Variants in CADM2 observed in about 807,000 individuals in gnomAD.
CADM2 encodes the protein immunoglobulin superfamily member 4D.
CADM2 carries 12 observed loss-of-function variants against 49.8 expected under a neutral mutation model. The observed-to-expected ratio is 0.24, with a 90% CI of 0.15 to 0.39. The LOEUF is 0.39. CADM2 is among the 10% of genes least tolerant of loss of function. The pLI, the probability that CADM2 is intolerant of heterozygous loss-of-function variation, is 1.00. For synonymous variants in CADM2, 214 were observed against 175.4 expected, an observed-to-expected ratio of 1.22 and a Z score of -1.74; for missense variants, 378 against 492.3, an observed-to-expected ratio of 0.77 and a Z score of 2.20.
At chr3:85,603,114 G>A (rs1396744128) in intron 1 of CADM2, among the ~76,000 whole-genome samples, 1 of 151,770 alleles carries the variant, frequency 6.6e-6, no homozygotes, top group African/African-American at 2.4e-5. Flanking sequence ...GTCAAGAACA[G>A]CATTTTATTC....
chr3:85,946,557 T>C (rs985847323), intron 7 of CADM2, among the ~76,000 whole-genome samples: 3 of 151,948 alleles, frequency 2.0e-5, no homozygotes, highest in Admixed American at 2.0e-4. Flanking sequence ...AACAGCATGG[T>C]ACTGGTACCA....
chr3:85,596,908 G>GGTTT (rs2063259798), intron 1 of CADM2, among the ~76,000 whole-genome samples: 1 of 151,992 alleles, frequency 6.6e-6, no homozygotes, highest in Non-Finnish European at 1.5e-5. Context: ...GTAGAGACAG[G>GGTTT]CTTTCGCCAT....
chr3:85,124,355 G>T (rs1156584512), intron 1 of CADM2, among the ~76,000 whole-genome samples: 1 of 152,134 alleles, frequency 6.6e-6, no homozygotes, highest in Non-Finnish European at 1.5e-5. Context: ...TATAATCTCA[G>T]CATTCTGGGA....
intron 5 of CADM2, among the ~76,000 whole-genome samples, chr3:85,900,642 A>C (rs1715993307): frequency 6.6e-6 from 1 of 152,182 alleles, no homozygotes; most frequent in African/African-American, 2.4e-5. Context: ...TATTTAATTT[A>C]AGGGTTAAAG....
intron 2 of CADM2, among the ~76,000 whole-genome samples, chr3:85,732,441 G>A (rs1045804796): frequency 6.6e-6 from 1 of 152,050 alleles, no homozygotes; most frequent in African/African-American, 2.4e-5. Flanking sequence ...AAAGCATATT[G>A]TATTTCTGTA....
At chr3:86,028,756 TA>T (rs1049231424) in intron 8 of CADM2, among the ~76,000 whole-genome samples, 4 of 152,154 alleles carry the variant, frequency 2.6e-5, no homozygotes, top group African/African-American at 9.6e-5. Context: ...TTTTATTTTC[TA>T]GATGAGTGAG....
chr3:85,516,855 A>C (rs748257613), intron 1 of CADM2, among the ~76,000 whole-genome samples: 5 of 152,128 alleles, frequency 3.3e-5, no homozygotes, highest in Non-Finnish European at 7.4e-5. Flanking sequence ...GAATAAATGC[A>C]AAGGTACATT....
At chr3:85,676,199 T>C (rs1395634334) in intron 1 of CADM2, among the ~76,000 whole-genome samples, 2 of 152,218 alleles carry the variant, frequency 1.3e-5, no homozygotes, top group Non-Finnish European at 2.9e-5. Flanking sequence ...GCCTTCGTCC[T>C]TTATAATAAA....
chr3:85,336,915 A>ATAGTTAAAT (rs1369441255), intron 1 of CADM2, among the ~76,000 whole-genome samples: 10 of 141,832 alleles, frequency 7.1e-5, no homozygotes, highest in Non-Finnish European at 1.5e-4. Context: ...AACAAAGTTA[A>ATAGTTAAAT]TAGTTAAATA....
intron 2 of CADM2, among the ~76,000 whole-genome samples, chr3:85,789,023 C>T (rs2071173317): frequency 6.6e-6 from 1 of 152,054 alleles, no homozygotes; most frequent in South Asian, 2.1e-4. Flanking sequence ...TATATACACA[C>T]ATCATTTCCC....
At chr3:85,508,858 T>C (rs1187668690) in intron 1 of CADM2, among the ~76,000 whole-genome samples, 15 of 151,896 alleles carry the variant, frequency 9.9e-5, no homozygotes, top group Non-Finnish European at 8.8e-5. Context: ...TGTGTGTGTG[T>C]GTGTGTATTG....
At chr3:85,572,187 C>T (rs1441682428) in intron 1 of CADM2, among the ~76,000 whole-genome samples, 1 of 152,162 alleles carries the variant, frequency 6.6e-6, no homozygotes, top group African/African-American at 2.4e-5. Flanking sequence ...ATCTCAGCTA[C>T]TGGGAAGGCT....
intron 1 of CADM2, among the ~76,000 whole-genome samples, chr3:85,572,318 T>G (rs1017429037): frequency 7.2e-5 from 11 of 152,004 alleles, no homozygotes; most frequent in Admixed American, 6.6e-4. Context: ...AAACTTCATG[T>G]GAATTTTCAT....
intron 8 of CADM2, among the ~76,000 whole-genome samples, chr3:86,002,496 C>T (rs542788651): frequency 6.6e-6 from 1 of 152,244 alleles, no homozygotes; most frequent in African/African-American, 2.4e-5. Context: ...GATTCAAGTC[C>T]AGTTGTGAAA....
At chr3:85,551,343 T>C (rs2061797998) in intron 1 of CADM2, among the ~76,000 whole-genome samples, 1 of 152,174 alleles carries the variant, frequency 6.6e-6, no homozygotes, top group African/African-American at 2.4e-5. Context: ...TTATTAATCT[T>C]GTGGCTGCAA....
intron 8 of CADM2, among the ~76,000 whole-genome samples, chr3:86,018,618 T>G (rs1403073260): frequency 6.6e-6 from 1 of 152,210 alleles, no homozygotes; most frequent in Non-Finnish European, 1.5e-5. Context: ...TTGCATTTCT[T>G]GATGGCCAGT....
At chr3:85,885,648 C>T (rs980495719) in intron 4 of CADM2, among the ~76,000 whole-genome samples, 4 of 145,580 alleles carry the variant, frequency 2.7e-5, no homozygotes, top group African/African-American at 7.7e-5. Context: ...CACCACTGCA[C>T]TCCAGCCTGG....
At chr3:85,846,267 T>G (rs1424950860) in intron 3 of CADM2, among the ~76,000 whole-genome samples, 1 of 151,898 alleles carries the variant, frequency 6.6e-6, no homozygotes, top group African/African-American at 2.4e-5. Context: ...TTTCTATTTC[T>G]AAATACTTAA....
At chr3:85,900,114 T>A (rs916633350) in intron 5 of CADM2, among the ~76,000 whole-genome samples, 5 of 152,202 alleles carry the variant, frequency 3.3e-5, no homozygotes, top group African/African-American at 1.2e-4. Context: ...TTAGGGTTCA[T>A]CTCACTTATT....
Sources: gnomAD v4.1 joint callset for allele counts (sites outside exome capture counted in the v4.1 genomes callset) on GRCh38, gnomAD v4.1.1 for gene constraint, MANE v1.5 for transcripts, NCBI Gene and HGNC (gene_info 2026-07-23, HGNC 2026-07-21) for gene names.